CRYBG2: variants seen among roughly 807,000 people sequenced by gnomAD.
The protein encoded by CRYBG2 is crystallin beta-gamma domain containing 2.
Under a neutral mutation model 153.4 loss-of-function variants are expected in CRYBG2, and 106 were observed. The ratio of observed to expected loss-of-function variants is 0.69; its 90% confidence interval spans 0.59 to 0.81. The LOEUF (loss-of-function observed/expected upper bound fraction) is 0.81, where lower values mean the gene tolerates loss of function less well. Among genes scored for constraint, CRYBG2 ranks in the 30% least tolerant of loss-of-function variants. The pLI, the probability that CRYBG2 is intolerant of heterozygous loss-of-function variation, is 0.00. For missense variants in CRYBG2, 1,996 were observed against 2,112.0 expected (o/e 0.95, Z 1.08); for synonymous variants, 851 against 877.8 (o/e 0.97, Z 0.54).
chr1:26,337,225 G>A, intron 10 of CRYBG2, 28 bp downstream of exon 10: 2 of 1,613,256 alleles, frequency 1.2e-6, no homozygotes, highest in Middle Eastern at 1.7e-4. Context: ...GCCAGAGGCA[G>A]AGGGATGGGC....
intron 15 of CRYBG2, among the ~76,000 whole-genome samples, chr1:26,330,199 G>T (rs537567598): frequency 6.6e-6 from 1 of 152,336 alleles, no homozygotes; most frequent in East Asian, 1.9e-4. Context: ...TGCTTTACCT[G>T]ATCTCATTAT....
rs4659435 is a variant in CRYBG2, at chr1:26,341,594, T to G, written c.3204+1160A>C. ...TTCCGCCTCCCGAGTTCAAGCGATT[T>G]TCCAGCCTCAGCCTCCTGAGTAGCT... On this transcript the variant is annotated intron_variant, in intron 5 of 19. Transcript: ENST00000308182. 4.6e-5 allele frequency among the ~76,000 whole-genome samples: 7 copies of G among 152,020 alleles called. No homozygotes were observed. The South Asian group carries it at 1.5e-3, about 32-fold the overall frequency.
intron 5 of CRYBG2, among the ~76,000 whole-genome samples, chr1:26,340,672 G>A (rs1463768177): frequency 6.6e-6 from 1 of 152,106 alleles, no homozygotes; most frequent in Non-Finnish European, 1.5e-5. Context: ...GATTGCAGTG[G>A]TGTGATCTTG....
At chr1:26,323,127 C>T (rs1202930773) in intron 18 of CRYBG2, among the ~76,000 whole-genome samples, 1 of 151,112 alleles carries the variant, frequency 6.6e-6, no homozygotes, top group African/African-American at 2.4e-5. Flanking sequence ...GTTGCCCAGG[C>T]TGGTGTGCAG....
At chr1:26,349,742 A>G (rs1004676321) in intron 1 of CRYBG2, among the ~76,000 whole-genome samples, 1 of 151,008 alleles carries the variant, frequency 6.6e-6, no homozygotes, top group Non-Finnish European at 1.5e-5. Flanking sequence ...ATGGATTAAT[A>G]TACTCATGGA....
chr1:26,345,819 G>A lies in CRYBG2; in HGVS notation c.839C>T (p.Thr280Ile). 2 of 1,596,550 alleles carry A rather than the reference G, an allele frequency of 1.3e-6. No homozygotes were observed. The highest frequency in any genetic ancestry group is 8.5e-7 in the Non-Finnish European group (1 of 1,179,112). ...VGAALRQLPETGTAELKDSSA... is the reference protein window; with the variant it reads ...VGAALRQLPEIGTAELKDSSA... The stretch of plus-strand genomic sequence containing the variant: ...GCTGTCTTTAAGCTCTGCTGTCCCG[G>A]TCTCAGGCAGCTGCCTCAAGGCTGC... The change falls in exon 2 of 20, where the codon ACC becomes ATC. Residue 280 changes from threonine (T) to isoleucine (I), a missense_variant. Transcript: ENST00000308182.
Position 26,343,440 on chromosome 1 carries a change from C to T in CRYBG2, c.2914-147G>A. The stretch of plus-strand genomic sequence containing the variant: ...CATAGAGGATGCTCACACTTGTTCC[C>T]AACCCCCAAGGGCCTCATCACCCTG... On this transcript the variant is annotated intron_variant, in intron 2 of 19. Coordinates refer to ENST00000308182, the MANE Select transcript of CRYBG2 (RefSeq NM_001039775.4). This position sits in a 1 kb window ranked among gnomAD's most constrained non-coding sequence, Gnocchi z 4.1. 1 of 1,055,522 alleles carries T rather than the reference C, an allele frequency of 9.5e-7. No individual in the cohort carries two copies. Among genetic ancestry groups the T allele is most frequent in the Non-Finnish European group, 1.4e-6 (1 of 711,434 alleles). 65.4% of individuals were successfully genotyped at this position (1,055,522 alleles called of 1,614,324 possible). A position where few individuals can be genotyped will look rare whatever the true frequency, so the allele number is the denominator to read the frequency against.
chr1:26,328,757 C>T lies in CRYBG2; in HGVS notation c.4431G>A (p.Leu1477=). Residue 1477 remains leucine (L), a synonymous_variant, in exon 16 of 20, where the codon CTG becomes CTA. Coordinates refer to ENST00000308182, the MANE Select transcript of CRYBG2 (RefSeq NM_001039775.4). Reference sequence around the variant, plus strand: ...ACATGCCCCCCTTGATCCGCACAGACAGCACATGGTTGTTGAAGCCCTCGG... The same window carrying T: ...ACATGCCCCCCTTGATCCGCACAGATAGCACATGGTTGTTGAAGCCCTCGG... ...LQAEGFNNHV[L]SVRIKGGIWV... The T allele has an allele frequency of 1.2e-6, 2 of 1,614,058 alleles. No homozygotes were observed. The highest frequency in any genetic ancestry group is 1.7e-6 in the Non-Finnish European group (2 of 1,179,978).
At chr1:26,329,527 T>G (rs929482705) in intron 15 of CRYBG2, among the ~76,000 whole-genome samples, 2 of 150,698 alleles carry the variant, frequency 1.3e-5, no homozygotes, top group South Asian at 4.2e-4. Context: ...TTGCCCAGGC[T>G]GGAGTGCAGT....
chr1:26,336,890 G>T lies in CRYBG2; in HGVS notation c.3862C>A (p.Leu1288Met). ...EVSKALPDVE[L>M]VQHGPSTQAI... ...TGTGTGCTGGGGCCGTGTTGCACCA[G>T]CTCCACATCCGGCAATGCCTTGCTC... Residue 1288 changes from leucine (L) to methionine (M), a missense_variant, in exon 11 of 20, where the codon CTG becomes ATG. By Grantham distance (15) the Leu-to-Met change is conservative. Coordinates refer to ENST00000308182, the MANE Select transcript of CRYBG2 (RefSeq NM_001039775.4). This position sits in a 1 kb window ranked among gnomAD's most constrained non-coding sequence, Gnocchi z 4.9. 1 of 1,610,864 alleles carries T rather than the reference G, an allele frequency of 6.2e-7. No individual in the cohort carries two copies. Among genetic ancestry groups the T allele is most frequent in the Non-Finnish European group, 8.5e-7 (1 of 1,178,748 alleles).
In CRYBG2 at chr1:26,344,150, G is replaced by T; in HGVS notation, c.2508C>A (p.Asn836Lys). 2 of 1,535,928 alleles carry T rather than the reference G, an allele frequency of 1.3e-6. No homozygotes were observed. Among genetic ancestry groups the T allele is most frequent in the Non-Finnish European group, 1.7e-6 (2 of 1,146,708 alleles). The stretch of plus-strand genomic sequence containing the variant: ...GCTTCTCATCGTCACTCAGATAGGG[G>T]TTCTCTGGTTCCTCCTCCTCCTCCT... ...KEEEEEEEPE[N>K]PYLSDDEKLQ... Residue 836 changes from asparagine (N) to lysine (K), a missense_variant, in exon 2 of 20, where the codon AAC (asparagine) becomes AAA (lysine). By Grantham distance (94) the Asn-to-Lys change is moderately conservative (BLOSUM62 0). Coordinates refer to ENST00000308182, the MANE Select transcript of CRYBG2 (RefSeq NM_001039775.4).
At chr1:26,335,391 C>T (rs2074042534) in intron 14 of CRYBG2, among the ~76,000 whole-genome samples, 1 of 152,100 alleles carries the variant, frequency 6.6e-6, no homozygotes, top group Non-Finnish European at 1.5e-5. Flanking sequence ...GCAGGAGAAT[C>T]GCTTGAACCT....
chr1:26,331,409 C>T, intron 15 of CRYBG2, 80 bp downstream of exon 15: 1 of 1,547,244 alleles, frequency 6.5e-7, no homozygotes, highest in Non-Finnish European at 8.8e-7. Flanking sequence ...CCTGCACCAG[C>T]ACACAGGTTC....
In CRYBG2 at chr1:26,346,414, G is replaced by A. The variant is rs777876439; in HGVS notation, c.244C>T (p.Arg82Trp). ...EEETVNCQGP[R>W]DTAGSKNFQS... is the part of the protein sequence containing the mutation. ...AAGTTCTTGGAGCCAGCTGTATCCC[G>A]AGGGCCCTGGCAATTCACAGTCTCT... Residue 82 changes from arginine (R) to tryptophan (W), a missense_variant, in exon 2 of 20, where the codon CGG becomes TGG. Coordinates refer to ENST00000308182, the MANE Select transcript of CRYBG2 (RefSeq NM_001039775.4). The surrounding 1 kb of genome is among the most constrained non-coding windows in gnomAD (Gnocchi z 4.9). 1.2e-5 allele frequency: 19 copies of A among 1,600,370 alleles called. No homozygotes were observed. The highest frequency in any genetic ancestry group is 1.6e-4 in the Middle Eastern group (1 of 6,080).
intron 5 of CRYBG2, 82 bp from the exon 6 acceptor site, chr1:26,339,511 G>C (rs1402746577): frequency 1.4e-6 from 2 of 1,480,804 alleles, no homozygotes; most frequent in Admixed American, 1.9e-5. Flanking sequence ...ACTTTGGGAG[G>C]CCGAGGCGGG....
intron 5 of CRYBG2, among the ~76,000 whole-genome samples, 197 bp from the exon 6 acceptor site, chr1:26,339,626 C>T (rs571693081): frequency 6.6e-6 from 1 of 152,142 alleles, no homozygotes; most frequent in Admixed American, 6.5e-5. Context: ...ATCCCAGCTA[C>T]TCGGGAGCCT....
chr1:26,332,321 A>AAG (rs1557706542), intron 14 of CRYBG2, among the ~76,000 whole-genome samples: 1 of 151,442 alleles, frequency 6.6e-6, no homozygotes, highest in African/African-American at 2.4e-5. Flanking sequence ...AAAAAAAAAA[A>AAG]AAAGAAAGAA....
chr1:26,342,358 C>T (rs2074141283), intron 5 of CRYBG2, among the ~76,000 whole-genome samples: 1 of 152,142 alleles, frequency 6.6e-6, no homozygotes, highest in Non-Finnish European at 1.5e-5. Context: ...ATCTATGGAC[C>T]AGTCCACATT....
intron 4 of CRYBG2, 32 bp from the exon 5 acceptor site, chr1:26,342,915 G>T: frequency 6.2e-7 from 1 of 1,613,026 alleles, no homozygotes; most frequent in Non-Finnish European, 8.5e-7. Context: ...GATCACAGAT[G>T]GGGAGGAGGA....
Sources: gnomAD v4.1 joint callset for allele counts (sites outside exome capture counted in the v4.1 genomes callset) on GRCh38, gnomAD v4.1.1 for gene constraint, Gnocchi (gnomAD v3.1) non-coding constraint, MANE v1.5 for transcripts, NCBI Gene and HGNC (gene_info 2026-07-23, HGNC 2026-07-21) for gene names.